The following MFN1 variants were observed in gnomAD, a reference collection of about 807,000 sequenced individuals.
The protein encoded by MFN1 is mitofusin-1.
A neutral mutation model predicts 92.4 loss-of-function variants in MFN1; 65 were observed. The observed-to-expected ratio is 0.70, with a 90% CI of 0.58 to 0.86. MFN1 has a LOEUF of 0.86. Among genes scored for constraint, MFN1 ranks in the 40% least tolerant of loss-of-function variants. The probability of loss-of-function intolerance (pLI) is 0.00; values close to 1 mark genes in which losing one functional copy is unlikely to be tolerated. For missense variants in MFN1, 781 were observed against 868.0 expected, an observed-to-expected ratio of 0.90 and a Z score of 1.26; for synonymous variants, 297 against 300.9, an observed-to-expected ratio of 0.99 and a Z score of 0.13.
intron 3 of MFN1, 131 bp downstream of exon 3, chr3:179,352,166 T>C (rs1364460980): frequency 1.1e-6 from 1 of 894,032 alleles, no homozygotes; most frequent in African/African-American, 1.7e-5. Context: ...GTTAAAGCTG[T>C]TAGCATGTGA....
chr3:179,378,733 C>T lies in MFN1; in HGVS notation c.1581C>T (p.Gly527=), dbSNP rs750879595. The change falls in exon 14 of 18, where the codon GGC becomes GGT. Residue 527 remains glycine (G), a synonymous_variant. Transcript: ENST00000471841. ...QEDIVFRFSL[G]WSSLVHRFLG... ...ATATTGTATTTCGTTTTTCCCTGGG[C>T]TGGTCTTCCCTTGTACATCGATTTT... 2.5e-6 allele frequency: 4 copies of T among 1,613,994 alleles called. No individual in the cohort carries two copies. The South Asian group carries it at 4.4e-5, about 18-fold the overall frequency.
chr3:179,352,323 G>T (rs1460567801), intron 3 of MFN1, among the ~76,000 whole-genome samples: 2 of 152,206 alleles, frequency 1.3e-5, no homozygotes, highest in Admixed American at 1.3e-4. Flanking sequence ...AGCATACTTT[G>T]TGTTTTACTC....
At chr3:179,381,315 T>C (rs1231677589) in intron 14 of MFN1, among the ~76,000 whole-genome samples, 3 of 152,238 alleles carry the variant, frequency 2.0e-5, no homozygotes, top group Admixed American at 6.5e-5. Flanking sequence ...CAATGTCTTA[T>C]TATGCCGAGA....
intron 3 of MFN1, among the ~76,000 whole-genome samples, chr3:179,354,871 T>C (rs552218359): frequency 6.6e-6 from 1 of 152,312 alleles, no homozygotes; most frequent in East Asian, 1.9e-4. Flanking sequence ...CTTGGCTCAC[T>C]GCAACCTCTG....
chr3:179,394,634 C>G lies in MFN1; in HGVS notation c.*2575C>G, dbSNP rs1714032381. ...GTTTCACCGTGTTAGCCAGGATGGT[C>G]TCGATCTCCTGACCTCGTGATCCAC... On this transcript the variant is annotated 3_prime_UTR_variant, in exon 18 of 18. Transcript: ENST00000471841. The G allele has an allele frequency of 6.6e-6, 1 of 151,884 alleles. No individual in the cohort carries two copies. The highest frequency in any genetic ancestry group is 1.5e-5 in the Non-Finnish European group (1 of 67,974). 9.4% of individuals were successfully genotyped at this position (151,884 alleles called of 1,614,324 possible).
chr3:179,376,905 A>G (rs1713260493), intron 10 of MFN1, 137 bp from the exon 11 acceptor site: 1 of 709,730 alleles, frequency 1.4e-6, no homozygotes, highest in South Asian at 2.9e-5. Context: ...TATTACTTGA[A>G]TCCTTTGAGA....
intron 6 of MFN1, 105 bp downstream of exon 6, chr3:179,364,510 TC>T: frequency 1.2e-6 from 1 of 868,730 alleles, no homozygotes. Context: ...AGAAAAAACT[TC>T]TAAAAACAGG....
At chr3:179,386,411 A>C in intron 15 of MFN1, 22 bp from the exon 16 acceptor site, 1 of 1,596,340 alleles carries the variant, frequency 6.3e-7, no homozygotes, top group Middle Eastern at 1.9e-4. Flanking sequence ...TTCTCAGACT[A>C]AGCTATGACT....
chr3:179,348,409 A>T (rs986655052), intron 1 of MFN1, among the ~76,000 whole-genome samples: 2 of 152,178 alleles, frequency 1.3e-5, no homozygotes, highest in Non-Finnish European at 2.9e-5. Flanking sequence ...TCAGCCTCAC[A>T]TTGTGATCTT....
intron 9 of MFN1, among the ~76,000 whole-genome samples, chr3:179,369,350 T>C (rs978311740): frequency 1.3e-5 from 2 of 152,174 alleles, no homozygotes; most frequent in African/African-American, 2.4e-5. Flanking sequence ...CTCACTGTTA[T>C]CAGTTATTTC....
intron 16 of MFN1, among the ~76,000 whole-genome samples, chr3:179,388,053 T>C (rs1346614575): frequency 6.6e-6 from 1 of 151,814 alleles, no homozygotes; most frequent in African/African-American, 2.4e-5. Flanking sequence ...TAATTTTTTT[T>C]GTATTTTTTT....
intron 5 of MFN1, among the ~76,000 whole-genome samples, chr3:179,363,755 C>G (rs1712674264): frequency 1.3e-5 from 2 of 152,008 alleles, no homozygotes; most frequent in South Asian, 2.1e-4. Context: ...TCCCAAAATG[C>G]TAGGATTATA....
intron 5 of MFN1, among the ~76,000 whole-genome samples, chr3:179,363,518 G>A (rs1712664773): frequency 6.6e-6 from 1 of 151,728 alleles, no homozygotes; most frequent in Admixed American, 6.6e-5. Context: ...CGGAGGCAGG[G>A]TCTTGCTGTG....
At chr3:179,370,485 C>T (rs779378580) in intron 9 of MFN1, among the ~76,000 whole-genome samples, 2 of 144,048 alleles carry the variant, frequency 1.4e-5, no homozygotes, top group African/African-American at 2.6e-5. Context: ...GATGTCAGCT[C>T]ACTACAACCT....
rs1353361177 is a variant in MFN1 at position 179,393,590 on chromosome 3, G to A, written c.*1531G>A. The A allele has an allele frequency of 6.6e-6, 1 of 152,158 alleles. No individual in the cohort carries two copies. The highest frequency in any genetic ancestry group is 1.5e-5 in the Non-Finnish European group (1 of 68,034). 9.4% of individuals were successfully genotyped at this position (152,158 alleles called of 1,614,324 possible). On this transcript the variant is annotated 3_prime_UTR_variant, in exon 18 of 18. Coordinates refer to ENST00000471841, the MANE Select transcript of MFN1 (RefSeq NM_033540.3). The stretch of plus-strand genomic sequence containing the variant: ...TTTTATGCAAATTGACACGAGTGCA[G>A]TATACTAATGCAAATTAATTTTGGT...
intron 9 of MFN1, 56 bp from the exon 10 acceptor site, chr3:179,375,164 C>T: frequency 1.4e-6 from 2 of 1,478,340 alleles, no homozygotes; most frequent in Non-Finnish European, 1.8e-6. Context: ...TGTTTAAATT[C>T]CTGAAAATGT....
rs1714027760 is a variant in MFN1 at position 179,394,529 on chromosome 3, C to T, written c.*2470C>T. On this transcript the variant is annotated 3_prime_UTR_variant, in exon 18 of 18. Coordinates refer to ENST00000471841, the MANE Select transcript of MFN1 (RefSeq NM_033540.3). The stretch of plus-strand genomic sequence containing the variant: ...CTCCCGGGTTCACGCCATTCTCCTG[C>T]CTCAGCCTCCCGAGTAGCTGGGACT... 6.7e-6 allele frequency: 1 copy of T among 149,778 alleles called. No homozygotes were observed. The highest frequency in any genetic ancestry group is 1.5e-5 in the Non-Finnish European group (1 of 67,676). The allele number at this position is 149,778 out of a possible 1,614,324, so 9.3% of individuals were successfully genotyped here. A position where few individuals can be genotyped will look rare whatever the true frequency, so the allele number is the denominator to read the frequency against.
chr3:179,362,217 C>A, intron 4 of MFN1, 141 bp from the exon 5 acceptor site: 3 of 828,196 alleles, frequency 3.6e-6, no homozygotes, highest in Non-Finnish European at 5.0e-6. Flanking sequence ...TTCAGGTTCT[C>A]AAGATTGCTC....
chr3:179,373,821 G>A (rs946468955), intron 9 of MFN1, among the ~76,000 whole-genome samples: 3 of 151,750 alleles, frequency 2.0e-5, no homozygotes, highest in Non-Finnish European at 2.9e-5. Context: ...CTACAAGCGC[G>A]TGCCACCATA....
Sources: allele counts gnomAD v4.1 joint callset (sites outside exome capture counted in the v4.1 genomes callset), GRCh38; gene constraint gnomAD v4.1.1; transcripts MANE v1.5; gene names NCBI Gene and HGNC (gene_info 2026-07-23, HGNC 2026-07-21).